PKHD1: variants seen among roughly 807,000 people sequenced by gnomAD.
PKHD1 encodes fibrocystin.
Under a neutral mutation model 412.0 loss-of-function variants are expected in PKHD1, and 291 were observed. The ratio of observed to expected loss-of-function variants is 0.71; its 90% CI spans 0.64 to 0.78. The LOEUF (loss-of-function observed/expected upper bound fraction) is 0.78, where lower values mean the gene tolerates loss of function less well. PKHD1 is among the 30% of genes least tolerant of loss of function. PKHD1 has a pLI of 0.00. For missense variants in PKHD1, 4,825 were observed against 4,950.7 expected (o/e 0.97, Z 0.76); for synonymous variants, 1,777 against 1,821.5 (o/e 0.98, Z 0.62).
chr6:52,035,569 G>A (rs1803810106), intron 28 of PKHD1, 22 bp downstream of exon 28: 1 of 1,609,460 alleles, frequency 6.2e-7, no homozygotes. Flanking sequence ...GAGAGAAAGA[G>A]ATATGAAAGG....
intron 64 of PKHD1, among the ~76,000 whole-genome samples, chr6:51,634,084 G>A (rs901856428): frequency 6.6e-6 from 1 of 151,716 alleles, no homozygotes; most frequent in Non-Finnish European, 1.5e-5. Context: ...ACTTGTTTAT[G>A]AACAGTTACA....
intron 60 of PKHD1, among the ~76,000 whole-genome samples, chr6:51,689,594 C>T (rs946115708): frequency 1.3e-5 from 2 of 152,146 alleles, no homozygotes; most frequent in Non-Finnish European, 2.9e-5. Flanking sequence ...GTCTTGAAAA[C>T]CCCATAGTCT....
At chr6:51,642,137 G>A (rs1769451824) in intron 63 of PKHD1, among the ~76,000 whole-genome samples, 1 of 152,076 alleles carries the variant, frequency 6.6e-6, no homozygotes, top group African/African-American at 2.4e-5. Flanking sequence ...AGCTGGCCGG[G>A]CATGACATCC....
intron 60 of PKHD1, among the ~76,000 whole-genome samples, chr6:51,678,106 G>A (rs1776133656): frequency 6.6e-6 from 1 of 152,080 alleles, no homozygotes; most frequent in African/African-American, 2.4e-5. Context: ...AACAGCCCAG[G>A]CAAATTCAAA....
At position 51,752,409 on chromosome 6, in the gene PKHD1, G is replaced by A. The variant is rs1013713569; in HGVS notation, c.8950+792C>T. 7.2e-5 allele frequency among the ~76,000 whole-genome samples: 11 copies of A among 152,106 alleles called. No individual in the cohort carries two copies. The East Asian group carries it at 7.7e-4, about 11-fold the overall frequency. ...GCGGGCAGAAATCACCACTGATAACGGCTTATGGAGACAGAGCTTGCTCTA... is the reference window on the plus strand; with the variant it reads ...GCGGGCAGAAATCACCACTGATAACAGCTTATGGAGACAGAGCTTGCTCTA... On this transcript the variant is annotated intron_variant, in intron 57 of 66. Transcript: ENST00000371117.
chr6:51,932,767 T>C (rs1278981248), intron 37 of PKHD1, among the ~76,000 whole-genome samples: 1 of 152,124 alleles, frequency 6.6e-6, no homozygotes, highest in African/African-American at 2.4e-5. Context: ...CAAAATTTGA[T>C]CCCCAGTGTC....
chr6:51,642,617 A>T (rs1769514044), intron 63 of PKHD1, among the ~76,000 whole-genome samples: 1 of 152,146 alleles, frequency 6.6e-6, no homozygotes, highest in Admixed American at 6.5e-5. Flanking sequence ...ATACGGGAGG[A>T]TCACCTGAGG....
rs948752363 is a variant in PKHD1, at chr6:51,886,045, T to C, written c.7110-73A>G. The C allele has an allele frequency of 2.6e-5, 24 of 938,702 alleles. No individual in the cohort carries two copies. In the South Asian group the frequency reaches 3.3e-4, roughly 13 times the overall value. 58.1% of individuals were successfully genotyped at this position (938,702 alleles called of 1,614,324 possible). A position where few individuals can be genotyped will look rare whatever the true frequency, so the allele number is the denominator to read the frequency against. On this transcript the variant is annotated intron_variant, in intron 44 of 66. Coordinates refer to ENST00000371117, the MANE Select transcript of PKHD1 (RefSeq NM_138694.4). ...CTTTCTACTTTTTCTTGTTGAAAAA[T>C]ACAAAGTAAAAGTAATGTATTAGGG... is the stretch of plus-strand genomic sequence containing the variant.
chr6:51,680,715 A>C (rs1776534894), intron 60 of PKHD1, among the ~76,000 whole-genome samples: 1 of 152,070 alleles, frequency 6.6e-6, no homozygotes, highest in African/African-American at 2.4e-5. Flanking sequence ...CAGTGTCTTT[A>C]TTTTAATTAA....
chr6:51,620,471 T>G (rs1766465141), intron 66 of PKHD1, among the ~76,000 whole-genome samples: 1 of 152,064 alleles, frequency 6.6e-6, no homozygotes, highest in South Asian at 2.1e-4. Flanking sequence ...AAGGTTGAAC[T>G]TGTCCTAAAC....
chr6:51,817,741 T>A (rs1156516244), intron 52 of PKHD1, among the ~76,000 whole-genome samples: 1 of 152,210 alleles, frequency 6.6e-6, no homozygotes, highest in Admixed American at 6.5e-5. Flanking sequence ...CTTCTACTCT[T>A]CTGGAGCTTC....
chr6:51,782,689 T>G (rs1792222458), intron 53 of PKHD1, among the ~76,000 whole-genome samples: 1 of 152,196 alleles, frequency 6.6e-6, no homozygotes, highest in Non-Finnish European at 1.5e-5. Context: ...TGGGTATTTG[T>G]GTCATTTTCT....
chr6:51,660,022 G>A, intron 60 of PKHD1, 53 bp from the exon 61 acceptor site: 1 of 1,103,470 alleles, frequency 9.1e-7, no homozygotes, highest in Non-Finnish European at 1.4e-6. Context: ...ATCTGTCAAT[G>A]ATTATTTGTA....
chr6:51,981,586 C>G (rs1279024580), intron 35 of PKHD1, among the ~76,000 whole-genome samples: 2 of 139,704 alleles, frequency 1.4e-5, no homozygotes, highest in East Asian at 2.1e-4. Context: ...CCCGGGGTGC[C>G]GGGATTGCGG....
intron 52 of PKHD1, among the ~76,000 whole-genome samples, chr6:51,795,370 T>G (rs575389180): frequency 6.6e-6 from 1 of 152,252 alleles, no homozygotes; most frequent in South Asian, 2.1e-4. Flanking sequence ...TTTTTGCACA[T>G]TGATTTTGTA....
chr6:52,085,093 G>C (rs1216828424), intron 1 of PKHD1, 76 bp from the exon 2 acceptor site: 5 of 631,488 alleles, frequency 7.9e-6, no homozygotes, highest in Non-Finnish European at 1.5e-5. Context: ...CTGAAACCTG[G>C]GAAATTAAGG....
Position 52,010,625 on chromosome 6 carries a change from T to C in PKHD1, c.5601-166A>G, listed in dbSNP as rs114404150. Among the ~76,000 whole-genome samples, 720 of 152,356 alleles carry C rather than the reference T, an allele frequency of 4.7e-3. 2 individuals are homozygous for C. The highest frequency in any genetic ancestry group is 0.013 in the Admixed American group (194 of 15,300). On this transcript the variant is annotated intron_variant, in intron 34 of 66. Coordinates refer to ENST00000371117, the MANE Select transcript of PKHD1 (RefSeq NM_138694.4). ...TTTGTTTCCATTCTTTTATTGTTTA[T>C]TTGTTTTTCCTTTTATCTGCACACC...
At chr6:51,798,817 A>G (rs79077375) in intron 52 of PKHD1, among the ~76,000 whole-genome samples, 2,222 of 152,308 alleles carry the variant, frequency 0.015, 51 homozygotes, top group African/African-American at 0.05. Flanking sequence ...ATATTCAGCT[A>G]TTAAACCTGA....
rs1306662769 is a variant in PKHD1 at position 51,617,822 on chromosome 6, T to C, written c.*1259A>G. On this transcript the variant is annotated 3_prime_UTR_variant, in exon 67 of 67. Transcript: ENST00000371117. ...AGAATTCAGCAATGAAAGAGTGTGT[T>C]TCCTTTCTCTCTTCCAATGCAACTA... The C allele has an allele frequency of 6.6e-6, 1 of 151,900 alleles. No individual in the cohort carries two copies. The highest frequency in any genetic ancestry group is 2.4e-5 in the African/African-American group (1 of 41,316). The allele number at this position is 151,900 out of a possible 1,614,324, so 9.4% of individuals were successfully genotyped here. A position where few individuals can be genotyped will look rare whatever the true frequency, so the allele number is the denominator to read the frequency against.
Sources: allele counts gnomAD v4.1 joint callset (sites outside exome capture counted in the v4.1 genomes callset), GRCh38; gene constraint gnomAD v4.1.1; transcripts MANE v1.5; gene names NCBI Gene and HGNC (gene_info 2026-07-23, HGNC 2026-07-21).